The following GALNT13 variants were observed in gnomAD, a reference collection of about 807,000 sequenced individuals.
GALNT13 encodes the protein UDP-GalNAc:polypeptide N-acetylgalactosaminyltransferase 13.
A neutral mutation model predicts 64.2 loss-of-function variants in GALNT13; 28 were observed. The observed-to-expected ratio is 0.44, with a 90% CI of 0.32 to 0.60. The LOEUF (loss-of-function observed/expected upper bound fraction) is 0.60. Ranked by LOEUF, GALNT13 falls within the 20% of genes least tolerant of loss-of-function variation. The pLI is 0.05. For synonymous variants in GALNT13, 214 were observed against 224.6 expected (o/e 0.95, Z 0.42); for missense variants, 577 against 669.8 (o/e 0.86, Z 1.53).
chr2:153,686,868 CA>C, the GALNT13 span, among the ~76,000 whole-genome samples: 1 of 152,044 alleles, frequency 6.6e-6, no homozygotes, highest in African/African-American at 2.4e-5. Context: ...TCAATTTTAT[CA>C]AAAGCTTTTT....
the GALNT13 span, among the ~76,000 whole-genome samples, chr2:153,653,923 T>A: frequency 6.6e-6 from 1 of 152,166 alleles, no homozygotes; most frequent in East Asian, 1.9e-4. Flanking sequence ...ATTTTGGCAA[T>A]GATCATCAAA....
chr2:153,226,961 T>TAAAATGTAGAAAACAGGAG, the GALNT13 span, among the ~76,000 whole-genome samples: 1 of 152,214 alleles, frequency 6.6e-6, no homozygotes, highest in African/African-American at 2.4e-5. Flanking sequence ...CTTCATCCTC[T>TAAAATGTAGAAAACAGGAG]AAAACAGGAG....
At chr2:153,597,402 C>G in the GALNT13 span, among the ~76,000 whole-genome samples, 1 of 151,952 alleles carries the variant, frequency 6.6e-6, no homozygotes, top group African/African-American at 2.4e-5. Context: ...ATCTTTTCAA[C>G]AAATGGTACT....
intron 2 of GALNT13, among the ~76,000 whole-genome samples, chr2:153,937,872 C>T (rs556615404): frequency 2.6e-5 from 4 of 152,098 alleles, no homozygotes; most frequent in African/African-American, 7.2e-5. Context: ...TGGATTTGAC[C>T]GTGACCTTAT....
At chr2:154,392,697 T>C (rs538406983) in intron 9 of GALNT13, among the ~76,000 whole-genome samples, 138 of 152,326 alleles carry the variant, frequency 9.1e-4, no homozygotes, top group African/African-American at 3.0e-3. Context: ...CAATTATTCT[T>C]AGTGTTATGG....
At chr2:153,121,362 A>G in the GALNT13 span, among the ~76,000 whole-genome samples, 1 of 152,202 alleles carries the variant, frequency 6.6e-6, no homozygotes, top group Non-Finnish European at 1.5e-5. Context: ...TCGTTCAGTG[A>G]TTACTGTTAA....
chr2:153,403,602 C>T, the GALNT13 span, among the ~76,000 whole-genome samples: 3 of 152,202 alleles, frequency 2.0e-5, no homozygotes, highest in East Asian at 1.9e-4. Flanking sequence ...TAGGACCCTC[C>T]GAGCCAGGTG....
At chr2:153,433,672 T>A in the GALNT13 span, among the ~76,000 whole-genome samples, 3 of 152,198 alleles carry the variant, frequency 2.0e-5, no homozygotes. Flanking sequence ...GCAGGAATTT[T>A]CTTCATCTTT....
At chr2:153,098,420 A>G in the GALNT13 span, among the ~76,000 whole-genome samples, 4 of 152,202 alleles carry the variant, frequency 2.6e-5, no homozygotes, top group Admixed American at 6.5e-5. Flanking sequence ...AATAAAATTA[A>G]TCACTATCAT....
the GALNT13 span, among the ~76,000 whole-genome samples, chr2:153,114,810 C>T: frequency 6.6e-6 from 1 of 151,960 alleles, no homozygotes; most frequent in Non-Finnish European, 1.5e-5. Flanking sequence ...GTAATCACTA[C>T]TAACACTTGT....
the GALNT13 span, among the ~76,000 whole-genome samples, chr2:153,423,056 G>T: frequency 6.6e-6 from 1 of 151,776 alleles, no homozygotes; most frequent in South Asian, 2.1e-4. Flanking sequence ...TGTCAGGGAT[G>T]TTAGTGAAAA....
chr2:154,230,585 G>A (rs1028840741), intron 4 of GALNT13, among the ~76,000 whole-genome samples: 1 of 152,054 alleles, frequency 6.6e-6, no homozygotes, highest in African/African-American at 2.4e-5. Context: ...TAGATAAACA[G>A]GGTGTTTTAA....
At chr2:153,603,417 C>G in the GALNT13 span, among the ~76,000 whole-genome samples, 1 of 151,916 alleles carries the variant, frequency 6.6e-6, no homozygotes, top group East Asian at 1.9e-4. Flanking sequence ...GAATTAGATT[C>G]ATTCTGGAAC....
At chr2:153,084,352 A>G in the GALNT13 span, among the ~76,000 whole-genome samples, 1 of 152,186 alleles carries the variant, frequency 6.6e-6, no homozygotes, top group Non-Finnish European at 1.5e-5. Context: ...CACAATATTG[A>G]TTCTACTCAT....
intron 10 of GALNT13, among the ~76,000 whole-genome samples, chr2:154,408,160 G>A (rs1360087375): frequency 1.3e-5 from 2 of 152,042 alleles, no homozygotes; most frequent in Non-Finnish European, 2.9e-5. Flanking sequence ...TTATTAGAAG[G>A]TTGAAGGTTT....
intron 4 of GALNT13, among the ~76,000 whole-genome samples, chr2:154,147,902 T>C (rs1232115582): frequency 6.6e-6 from 1 of 151,520 alleles, no homozygotes; most frequent in Non-Finnish European, 1.5e-5. Flanking sequence ...TTTGCTGGGA[T>C]TTTGCTTTTA....
At chr2:153,479,212 G>C in the GALNT13 span, among the ~76,000 whole-genome samples, 1 of 152,170 alleles carries the variant, frequency 6.6e-6, no homozygotes, top group Non-Finnish European at 1.5e-5. Context: ...AGATGGTGCC[G>C]GCTGAGGCCA....
chr2:154,046,344 C>G (rs1400517294), intron 3 of GALNT13, among the ~76,000 whole-genome samples: 1 of 151,810 alleles, frequency 6.6e-6, no homozygotes, highest in Non-Finnish European at 1.5e-5. Context: ...AAAAAAGGAC[C>G]CTGATAACCA....
At chr2:153,993,316 T>G in intron 3 of GALNT13, among the ~76,000 whole-genome samples, 1 of 144,038 alleles carries the variant, frequency 6.9e-6, no homozygotes, top group East Asian at 2.0e-4. Flanking sequence ...TTGAATAAAG[T>G]GGAATAAAGT....
Sources: allele counts gnomAD v4.1 joint callset (sites outside exome capture counted in the v4.1 genomes callset), GRCh38; gene constraint gnomAD v4.1.1; transcripts MANE v1.5; gene names NCBI Gene and HGNC (gene_info 2026-07-23, HGNC 2026-07-21).